The following SPOCK3 variants were observed in gnomAD, a reference collection of about 807,000 sequenced individuals.
SPOCK3 encodes testican-3.
In SPOCK3, 30 loss-of-function variants were observed where a neutral mutation model predicts 56.6. That is an observed-to-expected ratio of 0.53 (90% CI 0.40 to 0.72). The LOEUF is 0.72. Ranked by LOEUF, SPOCK3 falls within the 30% of genes least tolerant of loss-of-function variation. The pLI, the probability that SPOCK3 is intolerant of heterozygous loss-of-function variation, is 0.00. For synonymous variants in SPOCK3, 196 were observed against 183.3 expected (o/e 1.07, Z -0.56); for missense variants, 527 against 530.0 (o/e 0.99, Z 0.06).
chr4:167,120,208 T>G lies in SPOCK3; in HGVS notation c.190-57671A>C, dbSNP rs80270275. Reference sequence around the variant, plus strand: ...TAGTTTAGATCCTTGCTCTATCACTTTCTAGCTATGAAGCTTTGGACAAGT... The same window carrying G: ...TAGTTTAGATCCTTGCTCTATCACTGTCTAGCTATGAAGCTTTGGACAAGT... On this transcript the variant is annotated intron_variant, in intron 2 of 10. Transcript: ENST00000357545. 5.1e-3 allele frequency among the ~76,000 whole-genome samples: 780 copies of G among 152,176 alleles called. 9 individuals are homozygous for G. Among genetic ancestry groups the G allele is most frequent in the African/African-American group, 0.018 (731 of 41,560 alleles).
chr4:167,059,398 A>G (rs1235459274), intron 3 of SPOCK3, among the ~76,000 whole-genome samples: 4 of 152,144 alleles, frequency 2.6e-5, no homozygotes, highest in Admixed American at 6.6e-5. Context: ...AACACATGAA[A>G]AAATGCTCAC....
At chr4:166,868,704 G>A (rs1336687129) in intron 6 of SPOCK3, among the ~76,000 whole-genome samples, 3 of 152,030 alleles carry the variant, frequency 2.0e-5, no homozygotes, top group Admixed American at 6.6e-5. Context: ...GGACAACATT[G>A]TTGAAAAAGT....
intron 2 of SPOCK3, among the ~76,000 whole-genome samples, chr4:167,189,315 A>G (rs1412278663): frequency 6.8e-6 from 1 of 146,080 alleles, no homozygotes; most frequent in African/African-American, 2.6e-5. Context: ...CAATTAATAT[A>G]CCATATCATA....
At chr4:167,234,201 G>A in intron 1 of SPOCK3, 28 bp from the exon 2 acceptor site, 1 of 1,609,512 alleles carries the variant, frequency 6.2e-7, no homozygotes, top group Non-Finnish European at 8.5e-7. Context: ...ACGGGGGGTG[G>A]GGGGGCATGT....
chr4:166,816,429 G>A (rs949302181), intron 6 of SPOCK3, among the ~76,000 whole-genome samples: 1 of 151,974 alleles, frequency 6.6e-6, no homozygotes, highest in Admixed American at 6.6e-5. Context: ...TTATGTATGT[G>A]TACATTTTGG....
chr4:167,058,520 A>T (rs1755176452), intron 3 of SPOCK3, among the ~76,000 whole-genome samples: 7 of 151,908 alleles, frequency 4.6e-5, no homozygotes, highest in African/African-American at 1.7e-4. Flanking sequence ...CAAATGGAAG[A>T]ACATTCCATG....
intron 2 of SPOCK3, among the ~76,000 whole-genome samples, chr4:167,173,852 CAG>C (rs1409913342): frequency 1.3e-5 from 2 of 152,086 alleles, no homozygotes; most frequent in African/African-American, 2.4e-5. Context: ...ATTGCTGAAA[CAG>C]AGAATCCCTG....
At chr4:167,035,786 T>G (rs1328132212) in intron 3 of SPOCK3, among the ~76,000 whole-genome samples, 1 of 152,192 alleles carries the variant, frequency 6.6e-6, no homozygotes, top group Non-Finnish European at 1.5e-5. Flanking sequence ...ATGCCCTGTC[T>G]TTGAACATTA....
upstream of SPOCK3, chr4:167,234,544 C>G (rs1192112113): frequency 7.5e-6 from 2 of 265,362 alleles, no homozygotes; most frequent in Non-Finnish European, 1.5e-5. Context: ...CACGCGCCGC[C>G]GTCTCGAGCC....
At chr4:166,738,367 G>A (rs988031020) in intron 9 of SPOCK3, among the ~76,000 whole-genome samples, 5 of 151,960 alleles carry the variant, frequency 3.3e-5, no homozygotes, top group Non-Finnish European at 7.4e-5. Flanking sequence ...GCCCATGGTC[G>A]AGAGGGAACA....
chr4:167,107,285 A>G (rs28859879), intron 2 of SPOCK3, among the ~76,000 whole-genome samples: 250 of 152,076 alleles, frequency 1.6e-3, no homozygotes, highest in African/African-American at 5.9e-3. Flanking sequence ...TCAACAACAC[A>G]TTGAAAAGAT....
chr4:166,949,698 G>C (rs1382473355), intron 4 of SPOCK3, among the ~76,000 whole-genome samples: 2 of 152,086 alleles, frequency 1.3e-5, no homozygotes, highest in African/African-American at 2.4e-5. Context: ...CGTTCCTCTG[G>C]AAGTTTCGTC....
intron 2 of SPOCK3, among the ~76,000 whole-genome samples, chr4:167,227,185 T>C (rs1196521264): frequency 1.3e-5 from 2 of 152,204 alleles, no homozygotes; most frequent in Non-Finnish European, 2.9e-5. Flanking sequence ...CCATGATGCA[T>C]GTCATTGTCA....
chr4:167,020,606 TGGG>T (rs923625425), intron 3 of SPOCK3, among the ~76,000 whole-genome samples: 1 of 152,018 alleles, frequency 6.6e-6, no homozygotes, highest in African/African-American at 2.4e-5. Context: ...TTCTGCCATA[TGGG>T]GGCAGAGCAA....
At chr4:166,994,450 ACATTC>A (rs1748143112) in intron 4 of SPOCK3, among the ~76,000 whole-genome samples, 1 of 152,094 alleles carries the variant, frequency 6.6e-6, no homozygotes, top group African/African-American at 2.4e-5. Context: ...GCTCTGACAT[ACATTC>A]TGGGCTCTCT....
intron 2 of SPOCK3, among the ~76,000 whole-genome samples, chr4:167,182,861 G>A (rs1276260918): frequency 6.6e-6 from 1 of 151,978 alleles, no homozygotes; most frequent in Non-Finnish European, 1.5e-5. Context: ...TTATCTTTTG[G>A]CAGATTGTAA....
chr4:166,767,687 C>T (rs62355202), intron 7 of SPOCK3, among the ~76,000 whole-genome samples: 71,311 of 151,960 alleles, frequency 0.47, 17,270 homozygotes, highest in African/African-American at 0.51. Flanking sequence ...TGAAGAGTTC[C>T]GTAGATGTCT....
chr4:166,779,342 G>T (rs918578019), intron 7 of SPOCK3, among the ~76,000 whole-genome samples: 40 of 152,118 alleles, frequency 2.6e-4, no homozygotes, highest in African/African-American at 9.7e-4. Context: ...CAGTTGTTGG[G>T]ATTAGCGGAT....
At chr4:167,210,509 G>T (rs1734765707) in intron 2 of SPOCK3, among the ~76,000 whole-genome samples, 1 of 151,898 alleles carries the variant, frequency 6.6e-6, no homozygotes, top group South Asian at 2.1e-4. Context: ...AAACAAAGAG[G>T]TCTTTTCCTC....
Sources: gnomAD v4.1 joint callset for allele counts (sites outside exome capture counted in the v4.1 genomes callset) on GRCh38, gnomAD v4.1.1 for gene constraint, MANE v1.5 for transcripts, NCBI Gene and HGNC (gene_info 2026-07-23, HGNC 2026-07-21) for gene names.